Variants in SIAH3 observed in about 807,000 individuals in gnomAD.
SIAH3 encodes seven in absentia homolog 3.
In SIAH3, 9 loss-of-function variants were observed where a neutral mutation model predicts 12.6. The observed-to-expected ratio is 0.72, with a 90% confidence interval of 0.43 to 1.25. SIAH3 has a LOEUF of 1.25. SIAH3 is among the 50% of genes most tolerant of loss of function. The pLI is 0.00. For missense variants in SIAH3, 390 were observed against 365.4 expected, an observed-to-expected ratio of 1.07 and a Z score of -0.55; for synonymous variants, 154 against 151.1, an observed-to-expected ratio of 1.02 and a Z score of -0.14.
chr13:45,821,789 A>AGAGTGGGGCCAAAAGGCAGTCT (rs1168036883), intron 1 of SIAH3, among the ~76,000 whole-genome samples: 26 of 152,372 alleles, frequency 1.7e-4, no homozygotes, highest in African/African-American at 3.8e-4. Context: ...AAAGGCAGTC[A>AGAGTGGGGCCAAAAGGCAGTCT]AGAGACAGTT....
rs1215801087 is a variant in SIAH3 at position 45,843,032 on chromosome 13, CTCTG to C, written c.135+8459_135+8462del. ...ATTGCCATTATTTCTCTCTCTCTCTCTCTGTGTGTGTGTGTGTGTGTGTGTGTGT... is the reference window on the plus strand; with the variant it reads ...ATTGCCATTATTTCTCTCTCTCTCTCTGTGTGTGTGTGTGTGTGTGTGTGT... On this transcript the variant is annotated intron_variant, in intron 1 of 1. Coordinates refer to ENST00000400405, the MANE Select transcript of SIAH3 (RefSeq NM_198849.3). Among the ~76,000 whole-genome samples, 5 of 126,900 alleles carry C rather than the reference CTCTG, an allele frequency of 3.9e-5. No homozygotes were observed. The Admixed American group carries it at 4.2e-4, about 11-fold the overall frequency. 83.3% of individuals were successfully genotyped at this position (126,900 alleles called of 152,430 possible). A position where few individuals can be genotyped will look rare whatever the true frequency, so the allele number is the denominator to read the frequency against.
chr13:45,799,932 C>T (rs1248763396), intron 1 of SIAH3, among the ~76,000 whole-genome samples: 1 of 152,148 alleles, frequency 6.6e-6, no homozygotes, highest in Non-Finnish European at 1.5e-5. Context: ...CAAAGTCAAG[C>T]ATGGGTGATT....
chr13:45,827,399 A>G (rs1002724894), intron 1 of SIAH3, among the ~76,000 whole-genome samples: 1 of 152,164 alleles, frequency 6.6e-6, no homozygotes, highest in African/African-American at 2.4e-5. Flanking sequence ...ATCTACCCCC[A>G]GGCTGTGATT....
chr13:45,842,475 G>A (rs1950743533), intron 1 of SIAH3, among the ~76,000 whole-genome samples: 1 of 151,972 alleles, frequency 6.6e-6, no homozygotes, highest in Non-Finnish European at 1.5e-5. Context: ...CCTCCACCCT[G>A]AATAGCTGAC....
rs926135608 is a variant in SIAH3 at position 45,779,128 on chromosome 13, C to T, written c.*4255G>A. 4 of 152,088 alleles carry T rather than the reference C, an allele frequency of 2.6e-5. No individual in the cohort carries two copies. Among genetic ancestry groups the T allele is most frequent in the African/African-American group, 7.2e-5 (3 of 41,408 alleles). 9.4% of individuals were successfully genotyped at this position (152,088 alleles called of 1,614,324 possible). A position where few individuals can be genotyped will look rare whatever the true frequency, so the allele number is the denominator to read the frequency against. On this transcript the variant is annotated 3_prime_UTR_variant, in exon 2 of 2. Transcript: ENST00000400405. Reference sequence around the variant, plus strand: ...AAATGTGGAGCTGGAAGATGCGGTGCAGCACATTATTATATAGTATGTTCA... The same window carrying T: ...AAATGTGGAGCTGGAAGATGCGGTGTAGCACATTATTATATAGTATGTTCA...
chr13:45,798,640 G>A (rs1950570965), intron 1 of SIAH3, among the ~76,000 whole-genome samples: 1 of 152,210 alleles, frequency 6.6e-6, no homozygotes, highest in African/African-American at 2.4e-5. Flanking sequence ...CCGTCCAGAT[G>A]AGGCAGTGCT....
rs777927914 is a variant in SIAH3, at chr13:45,783,795, A to G, written c.398T>C (p.Val133Ala). The change falls in exon 2 of 2, where the codon GTT (valine) becomes GCT (alanine). Residue 133 changes from valine to alanine, a missense_variant. Val to Ala is a moderately conservative substitution (Grantham distance 64). Transcript: ENST00000400405. ...GATCTCGGCTCCCTGGAGGATGTCA[A>G]CCCTATGGATCTGCCGCAGGTGGGG... Reference protein sequence around the residue: ...VVPHLRQIHRVDILQGAEIVF... With the variant: ...VVPHLRQIHRADILQGAEIVF... 3.1e-6 allele frequency: 5 copies of G among 1,614,136 alleles called. No homozygotes were observed. Among genetic ancestry groups the G allele is most frequent in the South Asian group, 1.1e-5 (1 of 91,078 alleles).
At chr13:45,805,199 T>C (rs1467374734) in intron 1 of SIAH3, among the ~76,000 whole-genome samples, 1 of 152,018 alleles carries the variant, frequency 6.6e-6, no homozygotes, top group Non-Finnish European at 1.5e-5. Context: ...ACTATCAACA[T>C]TACCGTTCAC....
At chr13:45,787,393 TC>T (rs1217733748) in intron 1 of SIAH3, among the ~76,000 whole-genome samples, 1 of 152,080 alleles carries the variant, frequency 6.6e-6, no homozygotes, top group Non-Finnish European at 1.5e-5. Context: ...CAGAATAAGC[TC>T]CTTGTTCCTA....
At position 45,777,393 on chromosome 13, in the gene SIAH3, C is replaced by T. The variant is rs2137542592; in HGVS notation, c.*5990G>A. The stretch of plus-strand genomic sequence containing the variant: ...ACATTAATTCAGGGCAAGTAAAATG[C>T]TTCTCAATTTCCTTTCTCTTTCTTA... On this transcript the variant is annotated 3_prime_UTR_variant, in exon 2 of 2. Transcript: ENST00000400405. The T allele has an allele frequency of 6.6e-6, 1 of 152,222 alleles. No homozygotes were observed. The highest frequency in any genetic ancestry group is 6.5e-5 in the Admixed American group (1 of 15,290). 9.4% of individuals were successfully genotyped at this position (152,222 alleles called of 1,614,324 possible).
chr13:45,814,840 G>A (rs532675155), intron 1 of SIAH3, among the ~76,000 whole-genome samples: 251 of 151,824 alleles, frequency 1.7e-3, no homozygotes, highest in Non-Finnish European at 1.7e-3. Flanking sequence ...CTCCAGCCTC[G>A]GCCTCCAGAG....
At chr13:45,795,778 C>G (rs141663379) in intron 1 of SIAH3, among the ~76,000 whole-genome samples, 3 of 152,086 alleles carry the variant, frequency 2.0e-5, no homozygotes, top group Admixed American at 2.0e-4. Flanking sequence ...AACCTGCACA[C>G]GAATGTTTAC....
intron 1 of SIAH3, 26 bp downstream of exon 1, chr13:45,851,469 G>A (rs745753986): frequency 6.2e-7 from 1 of 1,613,512 alleles, no homozygotes; most frequent in South Asian, 1.1e-5. Flanking sequence ...TGAGCCCGGT[G>A]AAGGTAAAAT....
chr13:45,831,061 C>G (rs1266304190), intron 1 of SIAH3, among the ~76,000 whole-genome samples: 3 of 152,004 alleles, frequency 2.0e-5, no homozygotes, highest in Non-Finnish European at 4.4e-5. Flanking sequence ...TGTCTGTAGT[C>G]CCAGCTACTT....
chr13:45,843,115 G>A (rs1038699698), intron 1 of SIAH3, among the ~76,000 whole-genome samples: 3 of 150,788 alleles, frequency 2.0e-5, no homozygotes, highest in African/African-American at 4.9e-5. Context: ...GCTCATTCAT[G>A]TTTAATTTTC....
intron 1 of SIAH3, among the ~76,000 whole-genome samples, chr13:45,796,040 G>T (rs1334425332): frequency 4.6e-5 from 7 of 152,214 alleles, no homozygotes; most frequent in Non-Finnish European, 7.3e-5. Flanking sequence ...AGTGACAGAG[G>T]CTTGAACAGT....
intron 1 of SIAH3, among the ~76,000 whole-genome samples, chr13:45,842,516 A>T (rs2137583995): frequency 6.6e-6 from 1 of 152,034 alleles, no homozygotes; most frequent in African/African-American, 2.4e-5. Flanking sequence ...TGCTTTGCTA[A>T]TATTTATATT....
Position 45,780,155 on chromosome 13 carries a change from C to G in SIAH3, c.*3228G>C, listed in dbSNP as rs1182480898. ...GTTCTGTGCAGGGACTCCTGGGACT[C>G]TAAGGTGAGAAACCTGGGTGTGGGC... On this transcript the variant is annotated 3_prime_UTR_variant, in exon 2 of 2. Transcript: ENST00000400405. The G allele has an allele frequency of 6.6e-6, 1 of 152,230 alleles. No individual in the cohort carries two copies. Among genetic ancestry groups the G allele is most frequent in the Non-Finnish European group, 1.5e-5 (1 of 68,072 alleles). 9.4% of individuals were successfully genotyped at this position (152,230 alleles called of 1,614,324 possible).
rs377532431 is a variant in SIAH3 at position 45,826,380 on chromosome 13, A to T, written c.135+25115T>A. Among the ~76,000 whole-genome samples, 865 of 105,124 alleles carry T rather than the reference A, an allele frequency of 8.2e-3. 411 individuals are homozygous for T. Among genetic ancestry groups the T allele is most frequent in the East Asian group, 0.033 (97 of 2,940 alleles). 69.0% of individuals were successfully genotyped at this position (105,124 alleles called of 152,430 possible). A position where few individuals can be genotyped will look rare whatever the true frequency, so the allele number is the denominator to read the frequency against. On this transcript the variant is annotated intron_variant, in intron 1 of 1. Transcript: ENST00000400405. ...GGATGGATGGATGGATGGATGAATG[A>T]ATGGATGGATGGATGGATGGATGGA... is the stretch of plus-strand genomic sequence containing the variant.
Sources: gnomAD v4.1 joint callset for allele counts (sites outside exome capture counted in the v4.1 genomes callset) on GRCh38, gnomAD v4.1.1 for gene constraint, MANE v1.5 for transcripts, NCBI Gene and HGNC (gene_info 2026-07-23, HGNC 2026-07-21) for gene names.